The following TMEM117 variants were observed in gnomAD, a reference collection of about 807,000 sequenced individuals.
The protein encoded by TMEM117 is transmembrane protein 117.
Under a neutral mutation model 52.4 loss-of-function variants are expected in TMEM117, and 27 were observed. The observed-to-expected ratio is 0.51, with a 90% CI of 0.38 to 0.71. The LOEUF is 0.71. Ranked by LOEUF, TMEM117 falls within the 30% of genes least tolerant of loss-of-function variation. The pLI is 0.00. For missense variants in TMEM117, 556 were observed against 630.5 expected, an observed-to-expected ratio of 0.88 and a Z score of 1.26; for synonymous variants, 215 against 206.3, an observed-to-expected ratio of 1.04 and a Z score of -0.36.
At chr12:44,152,573 A>ATT (rs1565850806) in intron 4 of TMEM117, among the ~76,000 whole-genome samples, 3 of 122,376 alleles carry the variant, frequency 2.5e-5, no homozygotes, top group African/African-American at 3.3e-5. Context: ...TATCATATAA[A>ATT]TTTATATATA....
intron 2 of TMEM117, among the ~76,000 whole-genome samples, chr12:43,882,565 C>T (rs555245233): frequency 3.9e-5 from 6 of 152,142 alleles, no homozygotes; most frequent in African/African-American, 1.4e-4. Flanking sequence ...GAGGTCTGCA[C>T]GTTCTGCAAG....
intron 2 of TMEM117, among the ~76,000 whole-genome samples, chr12:43,917,690 T>C (rs528773585): frequency 6.6e-6 from 1 of 152,298 alleles, no homozygotes; most frequent in African/African-American, 2.4e-5. Flanking sequence ...TTCATAATTC[T>C]TACCTGAATT....
chr12:44,355,592 A>G (rs573026991), intron 6 of TMEM117, among the ~76,000 whole-genome samples: 1 of 152,148 alleles, frequency 6.6e-6, no homozygotes, highest in African/African-American at 2.4e-5. Flanking sequence ...ATATAAATTC[A>G]ATGCTTTGAG....
chr12:43,917,244 A>G (rs200392195), intron 2 of TMEM117, among the ~76,000 whole-genome samples: 25,825 of 150,856 alleles, frequency 0.17, 3,486 homozygotes, highest in African/African-American at 0.36. Flanking sequence ...AAAAAAAAAA[A>G]AAAAAAAAAG....
intron 5 of TMEM117, among the ~76,000 whole-genome samples, chr12:44,224,171 T>C (rs952911114): frequency 6.6e-6 from 1 of 152,042 alleles, no homozygotes; most frequent in Non-Finnish European, 1.5e-5. Context: ...CACAACCTCA[T>C]ATATGCACAC....
intron 3 of TMEM117, among the ~76,000 whole-genome samples, chr12:44,035,043 C>G (rs1190284821): frequency 6.6e-6 from 1 of 152,204 alleles, no homozygotes; most frequent in Non-Finnish European, 1.5e-5. Flanking sequence ...TATCAGCTCC[C>G]ATGGTTGTCA....
At chr12:44,172,447 G>C (rs1470373977) in intron 4 of TMEM117, among the ~76,000 whole-genome samples, 1 of 152,126 alleles carries the variant, frequency 6.6e-6, no homozygotes, top group East Asian at 1.9e-4. Flanking sequence ...CTCGCTGTGT[G>C]TCTCTGTGTC....
At chr12:43,895,403 G>T (rs148469757) in intron 2 of TMEM117, among the ~76,000 whole-genome samples, 97 of 152,212 alleles carry the variant, frequency 6.4e-4, no homozygotes, top group African/African-American at 2.2e-3. Flanking sequence ...TATCACTGAC[G>T]CGCATTTAGG....
the TMEM117 span, among the ~76,000 whole-genome samples, chr12:43,800,738 C>T: frequency 4.0e-4 from 61 of 152,208 alleles, no homozygotes; most frequent in Middle Eastern, 6.8e-3. Flanking sequence ...AGATGGACTT[C>T]AATTTACAAT....
intron 4 of TMEM117, among the ~76,000 whole-genome samples, chr12:44,173,375 C>T (rs1032709599): frequency 5.3e-5 from 8 of 152,180 alleles, no homozygotes; most frequent in Admixed American, 5.2e-4. Context: ...CCATGCCTGG[C>T]AACCTGTTCT....
chr12:43,935,860 G>C (rs1209169182), intron 2 of TMEM117, among the ~76,000 whole-genome samples: 1 of 152,186 alleles, frequency 6.6e-6, no homozygotes, highest in African/African-American at 2.4e-5. Flanking sequence ...ATAGGAAGTA[G>C]AGCAGTTAGT....
chr12:44,004,110 G>T (rs1413638107), intron 3 of TMEM117, among the ~76,000 whole-genome samples: 1 of 152,154 alleles, frequency 6.6e-6, no homozygotes, highest in Non-Finnish European at 1.5e-5. Flanking sequence ...ATCATTTCCT[G>T]CCACCTGCCA....
chr12:44,143,322 T>G (rs1030567599), intron 3 of TMEM117, among the ~76,000 whole-genome samples: 1 of 152,226 alleles, frequency 6.6e-6, no homozygotes, highest in African/African-American at 2.4e-5. Context: ...GGAGCCACAT[T>G]CAGTCTTCAA....
chr12:44,338,777 G>A (rs1004323559), intron 6 of TMEM117, among the ~76,000 whole-genome samples: 2 of 152,048 alleles, frequency 1.3e-5, no homozygotes, highest in Non-Finnish European at 2.9e-5. Context: ...TTTCTTTAAA[G>A]TTGGGAGCAA....
At chr12:44,198,425 G>A (rs2138361844) in intron 4 of TMEM117, among the ~76,000 whole-genome samples, 1 of 152,214 alleles carries the variant, frequency 6.6e-6, no homozygotes, top group Non-Finnish European at 1.5e-5. Flanking sequence ...TGCTTGTATT[G>A]CCTATTCCAT....
intron 3 of TMEM117, among the ~76,000 whole-genome samples, chr12:44,044,300 C>T (rs1946847462): frequency 6.6e-6 from 1 of 152,154 alleles, no homozygotes; most frequent in Non-Finnish European, 1.5e-5. Context: ...GATTTTGGAG[C>T]AAGGCCCTGC....
At chr12:44,344,434 G>A (rs1008379217) in intron 6 of TMEM117, among the ~76,000 whole-genome samples, 2 of 151,992 alleles carry the variant, frequency 1.3e-5, no homozygotes, top group African/African-American at 4.8e-5. Flanking sequence ...TTGAACAAGG[G>A]GCTCCATGTT....
At chr12:44,337,638 T>A (rs144994395) in intron 6 of TMEM117, among the ~76,000 whole-genome samples, 2 of 152,038 alleles carry the variant, frequency 1.3e-5, no homozygotes, top group East Asian at 3.9e-4. Flanking sequence ...CATACAGCTG[T>A]GAGAGGAAAA....
chr12:44,000,621 C>G (rs1035385137), intron 3 of TMEM117, among the ~76,000 whole-genome samples: 2 of 152,156 alleles, frequency 1.3e-5, no homozygotes, highest in Admixed American at 6.5e-5. Context: ...ACACTGTCAA[C>G]TGTACCTCCG....
Sources: gnomAD v4.1 joint callset for allele counts (sites outside exome capture counted in the v4.1 genomes callset) on GRCh38, gnomAD v4.1.1 for gene constraint, MANE v1.5 for transcripts, NCBI Gene and HGNC (gene_info 2026-07-23, HGNC 2026-07-21) for gene names.